The following LHCGR variants were observed in gnomAD, a reference collection of about 807,000 sequenced individuals.
LHCGR encodes the protein lutropin-choriogonadotropic hormone receptor.
LHCGR carries 55 observed loss-of-function variants against 60.7 expected under a neutral mutation model. The ratio of observed to expected loss-of-function variants is 0.91; its 90% CI spans 0.73 to 1.13. LHCGR has a LOEUF of 1.13. LHCGR is among the 50% of genes most tolerant of loss of function. LHCGR has a pLI of 0.00. For synonymous variants in LHCGR, 337 were observed against 316.5 expected (o/e 1.06, Z -0.69); for missense variants, 862 against 836.0 (o/e 1.03, Z -0.38).
At chr2:48,697,685 G>A (rs1667186993) in intron 9 of LHCGR, among the ~76,000 whole-genome samples, 1 of 152,122 alleles carries the variant, frequency 6.6e-6, no homozygotes, top group South Asian at 2.1e-4. Context: ...CTCTCTCAGT[G>A]CCTTATCTAA....
chr2:48,694,982 C>G (rs1524148), intron 9 of LHCGR, among the ~76,000 whole-genome samples: 78,742 of 151,844 alleles, frequency 0.52, 22,174 homozygotes, highest in East Asian at 0.93. Flanking sequence ...CACAGCCTTG[C>G]CAGCATCTGT....
At chr2:48,728,220 C>T (rs981971286) in intron 3 of LHCGR, among the ~76,000 whole-genome samples, 3 of 152,054 alleles carry the variant, frequency 2.0e-5, no homozygotes, top group South Asian at 2.1e-4. Flanking sequence ...AGTGTCACAT[C>T]GGTCAAGTTT....
In LHCGR at chr2:48,687,746, T is replaced by C. The variant is rs1009088916; in HGVS notation, c.2051A>G (p.His684Arg). Residue 684 changes from histidine to arginine, a missense_variant, in exon 11 of 11, where the codon CAC becomes CGC. Coordinates refer to ENST00000294954, the MANE Select transcript of LHCGR (RefSeq NM_000233.4). The part of the protein sequence containing the change: ...SQSTLKLSTL[H>R]CQGTALLDKT... ...GTCTAGGAGAGCTGTACCTTGACAG[T>C]GCAATGTGGACAACTTCAAGGTGGA... 8 of 1,614,150 alleles carry C rather than the reference T, an allele frequency of 5.0e-6. No homozygotes were observed. Among genetic ancestry groups the C allele is most frequent in the Non-Finnish European group, 6.8e-6 (8 of 1,180,014 alleles).
chr2:48,729,450 T>C (rs1668890269), intron 2 of LHCGR, among the ~76,000 whole-genome samples: 1 of 152,176 alleles, frequency 6.6e-6, no homozygotes, highest in South Asian at 2.1e-4. Flanking sequence ...ATGCAAGTTT[T>C]AGTAGCCCCT....
At chr2:48,706,343 A>G (rs1667670226) in intron 8 of LHCGR, among the ~76,000 whole-genome samples, 1 of 152,106 alleles carries the variant, frequency 6.6e-6, no homozygotes, top group African/African-American at 2.4e-5. Context: ...CCTTCATTTC[A>G]ACCTTGGTGA....
At chr2:48,750,056 T>C (rs1349038915) in intron 1 of LHCGR, among the ~76,000 whole-genome samples, 1 of 152,098 alleles carries the variant, frequency 6.6e-6, no homozygotes, top group Non-Finnish European at 1.5e-5. Flanking sequence ...CCTTGGGCCT[T>C]TGTTTCTTTA....
chr2:48,722,125 G>GGTGACAGAGCGAGACTCA (rs1249810673), intron 6 of LHCGR, among the ~76,000 whole-genome samples: 2 of 152,208 alleles, frequency 1.3e-5, no homozygotes, highest in Non-Finnish European at 2.9e-5. Flanking sequence ...ACTCCAGCCT[G>GGTGACAGAGCGAGACTCA]GTGACAGAGC....
In LHCGR at chr2:48,687,314, G is replaced by A. The variant is rs777978092; in HGVS notation, c.*383C>T. The A allele has an allele frequency of 5.5e-6, 1 of 182,680 alleles. No homozygotes were observed. The highest frequency in any genetic ancestry group is 1.2e-5 in the Non-Finnish European group (1 of 86,386). The allele number at this position is 182,680 out of a possible 1,614,324, so 11.3% of individuals were successfully genotyped here. A position where few individuals can be genotyped will look rare whatever the true frequency, so the allele number is the denominator to read the frequency against. The stretch of plus-strand genomic sequence containing the variant: ...TTTTTCAAACTACCTGAGGAAAAAG[G>A]CCAGTTATTTTAAATTTCTGATCTG... On this transcript the variant is annotated 3_prime_UTR_variant, in exon 11 of 11. Transcript: ENST00000294954.
intron 1 of LHCGR, among the ~76,000 whole-genome samples, chr2:48,740,353 G>A (rs1262934527): frequency 6.6e-6 from 1 of 152,244 alleles, no homozygotes; most frequent in African/African-American, 2.4e-5. Context: ...GCTCAAGAAG[G>A]CCTGCCTGCC....
At chr2:48,713,147 A>G (rs1238040103) in intron 7 of LHCGR, among the ~76,000 whole-genome samples, 2 of 152,214 alleles carry the variant, frequency 1.3e-5, no homozygotes, top group Non-Finnish European at 2.9e-5. Context: ...TGTTTTAACA[A>G]TCTGCAGATT....
At chr2:48,700,107 A>C (rs7584253) in intron 8 of LHCGR, among the ~76,000 whole-genome samples, 40,956 of 152,068 alleles carry the variant, frequency 0.27, 5,570 homozygotes, top group South Asian at 0.34. Flanking sequence ...GGGCTTCAGA[A>C]TTTCCTGCTT....
At position 48,694,375 on chromosome 2, in the gene LHCGR, T is replaced by C. The variant is rs1667014926; in HGVS notation, c.867-71A>G. The C allele has an allele frequency of 7.8e-6, 7 of 902,836 alleles. No individual in the cohort carries two copies. In the Admixed American group the frequency reaches 1.4e-4, roughly 18 times the overall value. The allele number at this position is 902,836 out of a possible 1,614,324, so 55.9% of individuals were successfully genotyped here. ...AGGCTAAACCTGACTGTGCGTCTAT[T>C]TATGCTTTGTTCATGCAAATTCTTT... On this transcript the variant is annotated intron_variant, in intron 9 of 10. Transcript: ENST00000294954.
intron 8 of LHCGR, 146 bp from the exon 9 acceptor site, chr2:48,698,946 A>T: frequency 1.6e-6 from 1 of 623,098 alleles, no homozygotes; most frequent in Non-Finnish European, 2.7e-6. Flanking sequence ...GGTTCACGCC[A>T]TTCTCCTGCC....
chr2:48,705,594 T>C (rs951674833), intron 8 of LHCGR, among the ~76,000 whole-genome samples: 1 of 152,364 alleles, frequency 6.6e-6, no homozygotes, highest in Non-Finnish European at 1.5e-5. Context: ...TGCATATATA[T>C]TTAGGAGAGT....
At chr2:48,711,304 T>G (rs936568387) in intron 7 of LHCGR, among the ~76,000 whole-genome samples, 15 of 152,186 alleles carry the variant, frequency 9.9e-5, no homozygotes, top group Admixed American at 8.5e-4. Context: ...TATCTGTTAT[T>G]TGCTTTTTTT....
intron 8 of LHCGR, among the ~76,000 whole-genome samples, chr2:48,703,713 C>T (rs1359388667): frequency 6.6e-6 from 1 of 152,174 alleles, no homozygotes; most frequent in Non-Finnish European, 1.5e-5. Flanking sequence ...AATAGGAATG[C>T]TTGCGATTTT....
intron 10 of LHCGR, among the ~76,000 whole-genome samples, chr2:48,693,398 A>T (rs1293511483): frequency 6.6e-6 from 1 of 152,226 alleles, no homozygotes; most frequent in Non-Finnish European, 1.5e-5. Flanking sequence ...GGTTACTTCC[A>T]AAGATTCATA....
At chr2:48,746,230 T>C (rs1366278397) in intron 1 of LHCGR, among the ~76,000 whole-genome samples, 2 of 152,234 alleles carry the variant, frequency 1.3e-5, no homozygotes, top group Non-Finnish European at 2.9e-5. Context: ...GGTTCCATAC[T>C]TAGGAATTGA....
chr2:48,714,516 G>C (rs1668148164), intron 6 of LHCGR, among the ~76,000 whole-genome samples: 1 of 150,734 alleles, frequency 6.6e-6, no homozygotes, highest in East Asian at 1.9e-4. Flanking sequence ...TGAGTATGTG[G>C]TTTTGCTGAT....
Sources: gnomAD v4.1 joint callset for allele counts (sites outside exome capture counted in the v4.1 genomes callset) on GRCh38, gnomAD v4.1.1 for gene constraint, MANE v1.5 for transcripts, NCBI Gene and HGNC (gene_info 2026-07-23, HGNC 2026-07-21) for gene names.